MYO1H: variants seen among roughly 807,000 people sequenced by gnomAD.
MYO1H encodes unconventional myosin-Ih.
In MYO1H, 118 loss-of-function variants were observed where a neutral mutation model predicts 149.3. That is an observed-to-expected ratio of 0.79 (90% CI 0.68 to 0.92). The LOEUF is 0.92. MYO1H is among the 40% of genes least tolerant of loss of function. The pLI is 0.00. For synonymous variants in MYO1H, 447 were observed against 465.2 expected, an observed-to-expected ratio of 0.96 and a Z score of 0.50; for missense variants, 1,212 against 1,280.7, an observed-to-expected ratio of 0.95 and a Z score of 0.82.
At chr12:109,375,723 A>T (rs988330867) in intron 1 of MYO1H, among the ~76,000 whole-genome samples, 1 of 152,134 alleles carries the variant, frequency 6.6e-6, no homozygotes, top group African/African-American at 2.4e-5. Context: ...CACACCTGTA[A>T]TCCCAGCACT....
At chr12:109,383,851 T>C (rs1869253270) in intron 1 of MYO1H, among the ~76,000 whole-genome samples, 1 of 152,132 alleles carries the variant, frequency 6.6e-6, no homozygotes, top group Admixed American at 6.6e-5. Flanking sequence ...CTCCACATAC[T>C]GGGTCAAGCA....
the MYO1H span, among the ~76,000 whole-genome samples, chr12:109,327,469 G>C: frequency 5.9e-5 from 9 of 151,782 alleles, no homozygotes; most frequent in African/African-American, 2.2e-4. Context: ...AAAAGTGCTG[G>C]CTGGGTGCGA....
chr12:109,342,481 T>C, the MYO1H span, among the ~76,000 whole-genome samples: 1 of 151,672 alleles, frequency 6.6e-6, no homozygotes. Context: ...TTTTCTTTTA[T>C]TTTTCTGTTG....
At chr12:109,352,610 A>T (rs1429803993) in intron 1 of MYO1H, among the ~76,000 whole-genome samples, 1 of 152,246 alleles carries the variant, frequency 6.6e-6, no homozygotes, top group African/African-American at 2.4e-5. Flanking sequence ...GACATGTATG[A>T]TGAAGTGTGT....
At chr12:109,322,847 C>T in the MYO1H span, among the ~76,000 whole-genome samples, 1 of 150,812 alleles carries the variant, frequency 6.6e-6, no homozygotes, top group Non-Finnish European at 1.5e-5. Context: ...AAAAAATCAC[C>T]CCTGTAATCC....
Position 109,445,622 on chromosome 12 carries a change from C to T in MYO1H, c.3093+10C>T, listed in dbSNP as rs560517905. On this transcript the variant is annotated intron_variant, in intron 31 of 31. Transcript: ENST00000310903. ...TGGACAATTAACAGTGGTGAGTGGCCGTCTCTGGGAGGGAAGTAAGCCGTT... is the reference window on the plus strand; with the variant it reads ...TGGACAATTAACAGTGGTGAGTGGCTGTCTCTGGGAGGGAAGTAAGCCGTT... 35 of 1,605,562 alleles carry T rather than the reference C, an allele frequency of 2.2e-5. No individual in the cohort carries two copies. Among genetic ancestry groups the T allele is most frequent in the South Asian group, 1.2e-4 (11 of 89,126 alleles).
chr12:109,413,659 C>T (rs924318560), intron 14 of MYO1H, among the ~76,000 whole-genome samples: 1 of 152,154 alleles, frequency 6.6e-6, no homozygotes, highest in Non-Finnish European at 1.5e-5. Flanking sequence ...CCTATAATCC[C>T]AGCACTTTGA....
the MYO1H span, among the ~76,000 whole-genome samples, chr12:109,312,479 C>A: frequency 6.6e-6 from 1 of 152,158 alleles, no homozygotes. Flanking sequence ...TCGTGATCTG[C>A]CCGCCTCAGT....
chr12:109,443,445 G>T, intron 27 of MYO1H, 69 bp from the exon 28 acceptor site: 1 of 1,555,950 alleles, frequency 6.4e-7, no homozygotes, highest in Non-Finnish European at 8.8e-7. Flanking sequence ...TCACTTTACC[G>T]GTGTCTGAGT....
At chr12:109,404,976 T>C in intron 7 of MYO1H, among the ~76,000 whole-genome samples, 1 of 152,008 alleles carries the variant, frequency 6.6e-6, no homozygotes, top group East Asian at 1.9e-4. Flanking sequence ...TTTGGGAGGC[T>C]GAGGTGGAGA....
intron 2 of MYO1H, among the ~76,000 whole-genome samples, chr12:109,390,910 C>T (rs1371465782): frequency 1.3e-5 from 2 of 152,142 alleles, no homozygotes; most frequent in Non-Finnish European, 2.9e-5. Flanking sequence ...TTGGGTGATC[C>T]ACCTGCCTCA....
intron 12 of MYO1H, 29 bp downstream of exon 12, chr12:109,410,097 T>C: frequency 8.4e-7 from 1 of 1,184,296 alleles, no homozygotes; most frequent in Non-Finnish European, 1.2e-6. Context: ...TCTCCTCATC[T>C]GATTTCTTCA....
At chr12:109,314,134 C>T in the MYO1H span, among the ~76,000 whole-genome samples, 18 of 152,054 alleles carry the variant, frequency 1.2e-4, no homozygotes, top group African/African-American at 4.1e-4. Context: ...GTCTGCTCGC[C>T]TTGACCTCCC....
At position 109,401,191 on chromosome 12, in the gene MYO1H, G is replaced by A. The variant is rs1308960034; in HGVS notation, c.669G>A (p.Gln223=). 5 of 1,613,782 alleles carry A rather than the reference G, an allele frequency of 3.1e-6. No homozygotes were observed. In the African/African-American group the frequency reaches 6.7e-5, roughly 22 times the overall value. Residue 223 remains glutamine (Q), a synonymous_variant, in exon 6 of 32, where the codon CAG becomes CAA. Transcript: ENST00000310903. Reference sequence around the variant, plus strand: ...AGCGGAATTTCCACATCTTCTACCAGCTGCTGGCAGGTGGCGAAGAGGAGC... The same window carrying A: ...AGCGGAATTTCCACATCTTCTACCAACTGCTGGCAGGTGGCGAAGAGGAGC...
At chr12:109,446,747 G>A (rs532642531) in intron 31 of MYO1H, among the ~76,000 whole-genome samples, 1 of 152,370 alleles carries the variant, frequency 6.6e-6, no homozygotes, top group Admixed American at 6.5e-5. Context: ...CTGGGCGATA[G>A]AGTGAGACTC....
intron 1 of MYO1H, among the ~76,000 whole-genome samples, chr12:109,352,009 A>G (rs1868469384): frequency 6.6e-6 from 1 of 152,154 alleles, no homozygotes; most frequent in African/African-American, 2.4e-5. Flanking sequence ...TCCATAAGAT[A>G]TGCTTTGCTC....
the MYO1H span, among the ~76,000 whole-genome samples, chr12:109,311,207 CTG>C: frequency 1.3e-5 from 2 of 152,154 alleles, no homozygotes; most frequent in South Asian, 2.1e-4. Context: ...GGCATCCAGT[CTG>C]TGAGTTCTGT....
intron 3 of MYO1H, 38 bp downstream of exon 3, chr12:109,393,484 TTC>T: frequency 7.4e-7 from 1 of 1,346,558 alleles, no homozygotes; most frequent in Non-Finnish European, 1.0e-6. Flanking sequence ...AGGAGGATTT[TTC>T]TTTTTCCCCT....
intron 6 of MYO1H, 165 bp downstream of exon 6, chr12:109,401,437 T>C: frequency 1.5e-6 from 1 of 655,296 alleles, no homozygotes; most frequent in Non-Finnish European, 2.4e-6. Context: ...ATCCATCTCC[T>C]CTTATGCCTG....
Sources: allele counts gnomAD v4.1 joint callset (sites outside exome capture counted in the v4.1 genomes callset), GRCh38; gene constraint gnomAD v4.1.1; transcripts MANE v1.5; gene names NCBI Gene and HGNC (gene_info 2026-07-23, HGNC 2026-07-21).